Variants in PTPN11 observed in about 807,000 individuals in gnomAD.
The protein encoded by PTPN11 is protein tyrosine phosphatase non-receptor type 11.
PTPN11 carries 6 observed loss-of-function variants against 78.8 expected under a neutral mutation model. The ratio of observed to expected loss-of-function variants is 0.08; its 90% CI spans 0.04 to 0.15. PTPN11 has a LOEUF of 0.15. Ranked by LOEUF, PTPN11 falls within the 10% of genes least tolerant of loss-of-function variation. The pLI is 1.00. For synonymous variants in PTPN11, 221 were observed against 263.5 expected (o/e 0.84, Z 1.56); for missense variants, 386 against 744.8 (o/e 0.52, Z 5.61).
rs773146450 is a variant in PTPN11 at position 112,504,126 on chromosome 12, T to C, written c.1713-569T>C. ...ACAGTGCGATCCAAATGCCTCATCC[T>C]ACAGGCCTCCTTAAAACAACCTGCT... On this transcript the variant is annotated intron_variant, in intron 14 of 15. Transcript: ENST00000351677. The surrounding 1 kb of genome is among the most constrained non-coding windows in gnomAD (Gnocchi z 4.7). Among the ~76,000 whole-genome samples, 5 of 152,354 alleles carry C rather than the reference T, an allele frequency of 3.3e-5. No individual in the cohort carries two copies. The highest frequency in any genetic ancestry group is 2.1e-4 in the South Asian group (1 of 4,832).
Position 112,454,600 on chromosome 12 carries a change from G to T in PTPN11, c.562G>T (p.Asp188Tyr), listed in dbSNP as rs1555267939. The T allele has an allele frequency of 6.2e-7, 1 of 1,613,820 alleles. No individual in the cohort carries two copies. The highest frequency in any genetic ancestry group is 8.5e-7 in the Non-Finnish European group (1 of 1,179,830). ...KYDVGGGERF[D>Y]SLTDLVEHYK... The stretch of plus-strand genomic sequence containing the variant: ...CGACGTTGGTGGAGGAGAACGGTTT[G>T]ATTCTTTGACAGATCTTGTGGAACA... The change falls in exon 5 of 16, where the codon GAT becomes TAT. Residue 188 changes from aspartate (D) to tyrosine (Y), a missense_variant. Asp to Tyr is a radical substitution (Grantham distance 160, BLOSUM62 -3). Transcript: ENST00000351677.
At chr12:112,461,627 A>G (rs1208327332) in intron 6 of PTPN11, among the ~76,000 whole-genome samples, 1 of 151,940 alleles carries the variant, frequency 6.6e-6, no homozygotes, top group Non-Finnish European at 1.5e-5. Flanking sequence ...ATGCCCAGCT[A>G]ATTTTTTAAT....
chr12:112,439,791 A>C (rs796905415), intron 1 of PTPN11, among the ~76,000 whole-genome samples: 2 of 150,478 alleles, frequency 1.3e-5, no homozygotes, highest in Non-Finnish European at 2.9e-5. Flanking sequence ...TTTTAAAAAA[A>C]AAAACAAAAA....
chr12:112,506,984 GAT>G lies in PTPN11; in HGVS notation c.*1193_*1194del. ...TGATGATGATGATGATGATGATGAT[GAT>G]GATGATGGTTTTTTCTAATCAGAAG... On this transcript the variant is annotated 3_prime_UTR_variant, in exon 16 of 16. Coordinates refer to ENST00000351677, the MANE Select transcript of PTPN11 (RefSeq NM_002834.5). 1.1e-5 allele frequency: 3 copies of G among 261,366 alleles called. No homozygotes were observed. The highest frequency in any genetic ancestry group is 1.3e-4 in the East Asian group (1 of 7,518). 16.2% of individuals were successfully genotyped at this position (261,366 alleles called of 1,614,324 possible).
chr12:112,455,843 G>T (rs187347465), intron 5 of PTPN11, 107 bp from the exon 6 acceptor site: 1 of 730,576 alleles, frequency 1.4e-6, no homozygotes, highest in African/African-American at 1.8e-5. Context: ...CCCTCTGTCC[G>T]TGCCTTTATG....
rs548648466 is a variant in PTPN11 at position 112,502,170 on chromosome 12, T to C, written c.1626T>C (p.Tyr542=). ...EQKSKRKGHE[Y]TNIKYSLADQ... is the part of the protein sequence containing the mutation. ...AAAGCAAGAGGAAAGGGCACGAATA[T>C]ACAAATATTAAGTATTCTCTAGCGG... Residue 542 remains tyrosine (Y), a synonymous_variant, in exon 14 of 16, where the codon TAT becomes TAC. Coordinates refer to ENST00000351677, the MANE Select transcript of PTPN11 (RefSeq NM_002834.5). 6.2e-7 allele frequency: 1 copy of C among 1,613,846 alleles called. No individual in the cohort carries two copies. The highest frequency in any genetic ancestry group is 8.5e-7 in the Non-Finnish European group (1 of 1,179,770).
chr12:112,442,827 T>TC (rs1491100838), intron 1 of PTPN11, among the ~76,000 whole-genome samples: 7 of 66,856 alleles, frequency 1.0e-4, no homozygotes, highest in East Asian at 2.9e-4. Flanking sequence ...TCTCTCTCTC[T>TC]TTTTATATAT....
intron 13 of PTPN11, among the ~76,000 whole-genome samples, chr12:112,493,725 A>T (rs1409121353): frequency 6.6e-6 from 1 of 152,132 alleles, no homozygotes; most frequent in Non-Finnish European, 1.5e-5. Context: ...ACCATGCTGT[A>T]CATTAGATCT....
chr12:112,450,864 G>A (rs977863639), intron 3 of PTPN11, among the ~76,000 whole-genome samples: 2 of 152,176 alleles, frequency 1.3e-5, no homozygotes, highest in Non-Finnish European at 1.5e-5. Flanking sequence ...CAAAATAGCA[G>A]CAGTTTTCTA....
At chr12:112,437,869 C>A (rs1207417916) in intron 1 of PTPN11, among the ~76,000 whole-genome samples, 3 of 152,012 alleles carry the variant, frequency 2.0e-5, no homozygotes, top group African/African-American at 4.8e-5. Context: ...GAGAGGCTCC[C>A]TCTATTTTTT....
intron 13 of PTPN11, among the ~76,000 whole-genome samples, chr12:112,490,156 C>T (rs775793578): frequency 1.3e-4 from 20 of 152,106 alleles, no homozygotes; most frequent in African/African-American, 2.9e-4. Flanking sequence ...AATATTTAGA[C>T]GGTTACTTTA....
At position 112,449,831 on chromosome 12, in the gene PTPN11, CG is replaced by C. The variant is rs574298014; in HGVS notation, c.138-486del. Among the ~76,000 whole-genome samples the C allele has an allele frequency of 7.1e-3, 1,076 of 151,996 alleles. 8 individuals are homozygous for C. Among genetic ancestry groups the C allele is most frequent in the South Asian group, 0.026 (123 of 4,810 alleles). On this transcript the variant is annotated intron_variant, in intron 2 of 15. Transcript: ENST00000351677. ...CTGTAATCTCAGCACTTTGGGAGGC[CG>C]AGGTGGGTGGATCACCTGTGGTTAG...
intron 6 of PTPN11, among the ~76,000 whole-genome samples, chr12:112,471,681 A>AT (rs1208749062): frequency 1.3e-5 from 2 of 151,614 alleles, no homozygotes; most frequent in Non-Finnish European, 2.9e-5. Context: ...GAAAAAAAAA[A>AT]CAAGAAAAGG....
At chr12:112,467,129 A>G (rs2038340032) in intron 6 of PTPN11, among the ~76,000 whole-genome samples, 1 of 152,100 alleles carries the variant, frequency 6.6e-6, no homozygotes, top group Non-Finnish European at 1.5e-5. Flanking sequence ...TAAGGGAGAC[A>G]ATGAAAACTT....
Position 112,506,946 on chromosome 12 carries a change from TTGATGATGATGATGATGA to T in PTPN11, c.*1184_*1201del, listed in dbSNP as rs80269561. Reference sequence around the variant, plus strand: ...ACAGTGTCCCTTCTACTTCCCTCTATTGATGATGATGATGATGATGATGATGATGATGATGATGATGAT... The same window carrying T: ...ACAGTGTCCCTTCTACTTCCCTCTATTGATGATGATGATGATGATGATGAT... On this transcript the variant is annotated 3_prime_UTR_variant, in exon 16 of 16. Transcript: ENST00000351677. 21 of 217,274 alleles carry T rather than the reference TTGATGATGATGATGATGA, an allele frequency of 9.7e-5. No individual in the cohort carries two copies. The highest frequency in any genetic ancestry group is 6.1e-4 in the East Asian group (4 of 6,520). The allele number at this position is 217,274 out of a possible 1,614,324, so 13.5% of individuals were successfully genotyped here.
intron 13 of PTPN11, among the ~76,000 whole-genome samples, chr12:112,501,618 C>G (rs1184885915): frequency 6.6e-6 from 1 of 152,218 alleles, no homozygotes; most frequent in Middle Eastern, 3.2e-3. Context: ...GAGCAAGGCT[C>G]TGTCTCCAAA....
chr12:112,424,893 G>A (rs867435929), intron 1 of PTPN11, among the ~76,000 whole-genome samples: 142 of 129,374 alleles, frequency 1.1e-3, no homozygotes, highest in African/African-American at 1.9e-3. Context: ...GTGTGTGTAT[G>A]TGTGTGTGTG....
At chr12:112,428,396 CTTT>C (rs11312766) in intron 1 of PTPN11, among the ~76,000 whole-genome samples, 1 of 84,462 alleles carries the variant, frequency 1.2e-5, no homozygotes, top group Non-Finnish European at 2.4e-5. Flanking sequence ...TGTGTGTTGT[CTTT>C]TTTTTTTTTT....
chr12:112,458,510 C>T (rs767520836), intron 6 of PTPN11, among the ~76,000 whole-genome samples: 17 of 152,200 alleles, frequency 1.1e-4, no homozygotes, highest in Non-Finnish European at 1.5e-5. Flanking sequence ...GTGCCCGGCC[C>T]ATACCACAGA....
Sources: allele counts gnomAD v4.1 joint callset (sites outside exome capture counted in the v4.1 genomes callset), GRCh38; gene constraint gnomAD v4.1.1; non-coding constraint Gnocchi (gnomAD v3.1); transcripts MANE v1.5; gene names NCBI Gene and HGNC (gene_info 2026-07-23, HGNC 2026-07-21).